FYN: variants seen among roughly 807,000 people sequenced by gnomAD.
The protein encoded by FYN is FYN proto-oncogene, Src family tyrosine kinase.
In FYN, 10 loss-of-function variants were observed where a neutral mutation model predicts 70.2. The ratio of observed to expected loss-of-function variants is 0.14; its 90% CI spans 0.09 to 0.24. The LOEUF (loss-of-function observed/expected upper bound fraction) is 0.24. Ranked by LOEUF, FYN falls within the 10% of genes least tolerant of loss-of-function variation. The pLI is 1.00. For missense variants in FYN, 319 were observed against 673.1 expected, an observed-to-expected ratio of 0.47 and a Z score of 5.82; for synonymous variants, 236 against 248.6, an observed-to-expected ratio of 0.95 and a Z score of 0.48.
intron 2 of FYN, among the ~76,000 whole-genome samples, chr6:111,797,534 T>C (rs1380738371): frequency 6.6e-6 from 1 of 151,364 alleles, no homozygotes; most frequent in Non-Finnish European, 1.5e-5. Context: ...TGCATAGTAA[T>C]AGGATAGTGA....
intron 1 of FYN, among the ~76,000 whole-genome samples, chr6:111,866,211 C>T (rs897233585): frequency 2.0e-5 from 3 of 152,210 alleles, no homozygotes; most frequent in Admixed American, 6.5e-5. Context: ...CACAGCAACC[C>T]TCTGAGGCAG....
At chr6:111,686,247 A>G (rs915806635) in intron 12 of FYN, among the ~76,000 whole-genome samples, 37 of 152,172 alleles carry the variant, frequency 2.4e-4, no homozygotes, top group Non-Finnish European at 4.7e-4. Context: ...ACGAGGTGGA[A>G]GCTCAGAGCT....
chr6:111,678,106 A>ATGTGTGTGTGTGTGTGTG (rs201367268), intron 12 of FYN, among the ~76,000 whole-genome samples: 16 of 118,612 alleles, frequency 1.3e-4, no homozygotes, highest in African/African-American at 6.5e-4. Flanking sequence ...GAAGGCCATA[A>ATGTGTGTGTGTGTGTGTG]TATGTGTGTG....
chr6:111,701,392 T>A (rs1344581895), intron 8 of FYN, among the ~76,000 whole-genome samples: 4 of 152,228 alleles, frequency 2.6e-5, no homozygotes, highest in African/African-American at 9.6e-5. Flanking sequence ...GATGTGCTGC[T>A]GGGCTGTAAC....
Position 111,661,270 on chromosome 6 carries a change from C to T in FYN, c.*469G>A, listed in dbSNP as rs1386076027. 1 of 153,220 alleles carries T rather than the reference C, an allele frequency of 6.5e-6. No homozygotes were observed. Among genetic ancestry groups the T allele is most frequent in the African/African-American group, 2.4e-5 (1 of 41,268 alleles). The allele number at this position is 153,220 out of a possible 1,614,324, so 9.5% of individuals were successfully genotyped here. A position where few individuals can be genotyped will look rare whatever the true frequency, so the allele number is the denominator to read the frequency against. ...TTATAAAAAAGAAAACAAAAACAAA[C>T]ACCTGTCCTGATTGGTTTTTGTTAA... On this transcript the variant is annotated 3_prime_UTR_variant, in exon 14 of 14. Coordinates refer to ENST00000354650, the MANE Select transcript of FYN (RefSeq NM_002037.5). The surrounding 1 kb of genome is among the most constrained non-coding windows in gnomAD (Gnocchi z 4.0).
chr6:111,721,940 T>C (rs1800967615), intron 3 of FYN, among the ~76,000 whole-genome samples: 1 of 152,088 alleles, frequency 6.6e-6, no homozygotes, highest in South Asian at 2.1e-4. Context: ...CCATCATGTG[T>C]AATAACATTT....
chr6:111,863,058 C>T (rs1344512273), intron 1 of FYN, among the ~76,000 whole-genome samples: 3 of 152,224 alleles, frequency 2.0e-5, no homozygotes, highest in Admixed American at 1.3e-4. Flanking sequence ...GGCTAAGGAA[C>T]CTGGTCATTC....
intron 3 of FYN, among the ~76,000 whole-genome samples, chr6:111,776,041 C>T (rs1052269577): frequency 1.3e-5 from 2 of 152,208 alleles, no homozygotes; most frequent in Non-Finnish European, 2.9e-5. Context: ...TCCCCCTGTA[C>T]ACACATTGTG....
intron 3 of FYN, among the ~76,000 whole-genome samples, chr6:111,745,971 T>A (rs1240986452): frequency 6.6e-6 from 1 of 152,214 alleles, no homozygotes; most frequent in Non-Finnish European, 1.5e-5. Flanking sequence ...ACTGTATGTT[T>A]CTCAAATGTG....
chr6:111,691,913 G>T (rs939577527), intron 12 of FYN, among the ~76,000 whole-genome samples: 1 of 152,178 alleles, frequency 6.6e-6, no homozygotes, highest in Non-Finnish European at 1.5e-5. Flanking sequence ...GTGTGACTTT[G>T]TACAAGTTAC....
intron 2 of FYN, among the ~76,000 whole-genome samples, chr6:111,822,328 T>C (rs1024822182): frequency 6.6e-6 from 1 of 152,116 alleles, no homozygotes; most frequent in Non-Finnish European, 1.5e-5. Flanking sequence ...ATGTCCTTTG[T>C]AGGGACATGG....
In FYN at chr6:111,756,719, T is replaced by G. The variant is rs1802752758; in HGVS notation, c.-12+23847A>C. 2.0e-5 allele frequency among the ~76,000 whole-genome samples: 3 copies of G among 152,172 alleles called. No homozygotes were observed. In the South Asian group the frequency reaches 6.2e-4, roughly 31 times the overall value. On this transcript the variant is annotated intron_variant, in intron 3 of 13. Coordinates refer to ENST00000354650, the MANE Select transcript of FYN (RefSeq NM_002037.5). ...ATCCGATTAAAAGAGAAAACCCCAA[T>G]GATCTTATCAATAGATACAGAAAAG...
chr6:111,793,795 C>T (rs1294065640), intron 2 of FYN: 1 of 152,256 alleles, frequency 6.6e-6, no homozygotes, highest in Non-Finnish European at 1.5e-5. Context: ...ATGTGCTCCA[C>T]AGAGCTGCTC....
intron 3 of FYN, among the ~76,000 whole-genome samples, chr6:111,742,076 A>C (rs1309493629): frequency 6.6e-6 from 1 of 152,226 alleles, no homozygotes; most frequent in Non-Finnish European, 1.5e-5. Flanking sequence ...CTGAAAAAGA[A>C]GGGAAGCAAA....
At position 111,728,535 on chromosome 6, in the gene FYN, G is replaced by T. The variant is rs978425987; in HGVS notation, c.-11-8473C>A. Among the ~76,000 whole-genome samples, 7 of 152,128 alleles carry T rather than the reference G, an allele frequency of 4.6e-5. No individual in the cohort carries two copies. The South Asian group carries it at 1.0e-3, about 23-fold the overall frequency. ...TCTCTCCCCAGCCCCTGGCAACCAC[G>T]AATCTAATTTCTGTCTCTATGGATT... On this transcript the variant is annotated intron_variant, in intron 3 of 13. Transcript: ENST00000354650.
At chr6:111,846,454 T>C (rs1773530256) in intron 2 of FYN, 135 bp downstream of exon 2, 1 of 397,764 alleles carries the variant, frequency 2.5e-6, no homozygotes, top group Non-Finnish European at 4.4e-6. Context: ...CTTCTCCAAC[T>C]CGACCTCTCT....
At chr6:111,779,334 A>T (rs1771083122) in intron 3 of FYN, among the ~76,000 whole-genome samples, 1 of 152,028 alleles carries the variant, frequency 6.6e-6, no homozygotes, top group Non-Finnish European at 1.5e-5. Context: ...CAAAGCTCAA[A>T]AATTTCAGCC....
intron 3 of FYN, among the ~76,000 whole-genome samples, chr6:111,728,868 T>C (rs1801314252): frequency 6.6e-6 from 1 of 152,146 alleles, no homozygotes; most frequent in Non-Finnish European, 1.5e-5. Context: ...TTTCAATATA[T>C]AAGAAATTTA....
At chr6:111,688,211 G>C (rs566783676) in intron 12 of FYN, among the ~76,000 whole-genome samples, 26 of 152,340 alleles carry the variant, frequency 1.7e-4, no homozygotes, top group South Asian at 1.2e-3. Flanking sequence ...GTGAGGCTCA[G>C]AGGGGCCAGA....
Sources: allele counts gnomAD v4.1 joint callset (sites outside exome capture counted in the v4.1 genomes callset), GRCh38; gene constraint gnomAD v4.1.1; non-coding constraint Gnocchi (gnomAD v3.1); transcripts MANE v1.5; gene names NCBI Gene and HGNC (gene_info 2026-07-23, HGNC 2026-07-21).